The following KCND2 variants were observed in gnomAD, a reference collection of about 807,000 sequenced individuals.
KCND2 encodes potassium voltage-gated channel subfamily D member 2, also known as A-type voltage-gated potassium channel KCND2.
A neutral mutation model predicts 54.4 loss-of-function variants in KCND2; 16 were observed. The observed-to-expected ratio is 0.29, with a 90% CI of 0.20 to 0.45. KCND2 has a LOEUF of 0.45. KCND2 is among the 20% of genes least tolerant of loss of function. The pLI is 1.00. For synonymous variants in KCND2, 317 were observed against 310.7 expected, an observed-to-expected ratio of 1.02 and a Z score of -0.21; for missense variants, 486 against 824.2, an observed-to-expected ratio of 0.59 and a Z score of 5.02.
chr7:120,661,020 T>C (rs960904208), intron 1 of KCND2, among the ~76,000 whole-genome samples: 7 of 152,306 alleles, frequency 4.6e-5, no homozygotes, highest in African/African-American at 1.4e-4. Flanking sequence ...ATTTCATACA[T>C]GCATAAACTG....
At chr7:120,498,762 G>C (rs1442643444) in intron 1 of KCND2, among the ~76,000 whole-genome samples, 1 of 152,018 alleles carries the variant, frequency 6.6e-6, no homozygotes, top group African/African-American at 2.4e-5. Context: ...GTGACAGAGC[G>C]AGACTCCATC....
chr7:120,659,400 T>C (rs79710869), intron 1 of KCND2, among the ~76,000 whole-genome samples: 1,607 of 152,286 alleles, frequency 0.011, 9 homozygotes, highest in Non-Finnish European at 0.015. Flanking sequence ...CCATGCAGTC[T>C]CCTTGACTAG....
intron 1 of KCND2, among the ~76,000 whole-genome samples, chr7:120,435,732 G>T (rs1422960447): frequency 6.7e-6 from 1 of 148,678 alleles, no homozygotes; most frequent in East Asian, 2.0e-4. Flanking sequence ...CTAACCAGTG[G>T]ATATATATAT....
chr7:120,308,107 C>T lies in KCND2; in HGVS notation c.1115+32360C>T, dbSNP rs2116308145. 1.3e-5 allele frequency among the ~76,000 whole-genome samples: 2 copies of T among 152,086 alleles called. 1 individual carries two copies. Among genetic ancestry groups the T allele is most frequent in the South Asian group, 4.1e-4 (2 of 4,824 alleles). The stretch of plus-strand genomic sequence containing the variant: ...TGCTGAAATGAGACTATCTCAAACC[C>T]AGAACTCTTTCGTGTACTTTTTACT... On this transcript the variant is annotated intron_variant, in intron 1 of 5. Transcript: ENST00000331113.
chr7:120,277,601 TA>T (rs1317981114), intron 1 of KCND2, among the ~76,000 whole-genome samples: 1 of 152,002 alleles, frequency 6.6e-6, no homozygotes, highest in East Asian at 1.9e-4. Context: ...AATATAGGTA[TA>T]AAAAGAATGT....
At chr7:120,691,721 A>G (rs1211455389) in intron 1 of KCND2, among the ~76,000 whole-genome samples, 3 of 152,174 alleles carry the variant, frequency 2.0e-5, no homozygotes, top group African/African-American at 4.8e-5. Flanking sequence ...TCATCCAGGT[A>G]TAAATATTAT....
At chr7:120,407,957 G>GA (rs1399551050) in intron 1 of KCND2, among the ~76,000 whole-genome samples, 1 of 151,744 alleles carries the variant, frequency 6.6e-6, no homozygotes, top group Non-Finnish European at 1.5e-5. Flanking sequence ...ATTCTAGGAA[G>GA]AAAATCATGA....
chr7:120,297,911 T>C (rs911663194), intron 1 of KCND2, among the ~76,000 whole-genome samples: 7 of 152,192 alleles, frequency 4.6e-5, no homozygotes, highest in Non-Finnish European at 1.5e-5. Context: ...AGTTTAGCAC[T>C]GTCCAGTAGA....
intron 1 of KCND2, among the ~76,000 whole-genome samples, chr7:120,499,755 C>A (rs1039918624): frequency 6.6e-6 from 1 of 152,102 alleles, no homozygotes; most frequent in African/African-American, 2.4e-5. Context: ...AGAAGCCACG[C>A]CTGCCTCTTT....
At chr7:120,713,052 C>T (rs761084924) in intron 1 of KCND2, among the ~76,000 whole-genome samples, 3 of 152,154 alleles carry the variant, frequency 2.0e-5, no homozygotes, top group Non-Finnish European at 4.4e-5. Context: ...AGCCTCCTTT[C>T]CCTTACCTGT....
chr7:120,656,119 C>T (rs964431235), intron 1 of KCND2, among the ~76,000 whole-genome samples: 6 of 152,112 alleles, frequency 3.9e-5, no homozygotes, highest in Non-Finnish European at 8.8e-5. Flanking sequence ...TCTTTATTGA[C>T]ATATGCATTA....
In KCND2 at chr7:120,450,557, TTA is replaced by T. The variant is rs765932950; in HGVS notation, c.1115+174812_1115+174813del. On this transcript the variant is annotated intron_variant, in intron 1 of 5. Transcript: ENST00000331113. ...CAATGGAGAAAAGTCCTTCATGAAT[TTA>T]TGTGGGAAAGACACTAAACAACTAT... is the stretch of plus-strand genomic sequence containing the variant. Among the ~76,000 whole-genome samples, 21 of 152,196 alleles carry T rather than the reference TTA, an allele frequency of 1.4e-4. 1 individual carries two copies. In the South Asian group the frequency reaches 2.3e-3, roughly 17 times the overall value.
At chr7:120,555,255 G>C (rs1408188739) in intron 1 of KCND2, among the ~76,000 whole-genome samples, 1 of 152,114 alleles carries the variant, frequency 6.6e-6, no homozygotes, top group Non-Finnish European at 1.5e-5. Context: ...TTGTAACAGT[G>C]AATAATTCAC....
At chr7:120,460,938 A>T (rs922142038) in intron 1 of KCND2, among the ~76,000 whole-genome samples, 1 of 152,134 alleles carries the variant, frequency 6.6e-6, no homozygotes, top group African/African-American at 2.4e-5. Context: ...GTTAAGGGAG[A>T]CTTTTTTGTT....
intron 1 of KCND2, among the ~76,000 whole-genome samples, chr7:120,409,895 C>G (rs111349875): frequency 0.039 from 5,886 of 151,872 alleles, 137 homozygotes; most frequent in African/African-American, 0.049. Context: ...AAATTTTGAT[C>G]AACTACAGTT....
chr7:120,451,169 G>C (rs1802101195), intron 1 of KCND2, among the ~76,000 whole-genome samples: 2 of 152,092 alleles, frequency 1.3e-5, no homozygotes, highest in Admixed American at 6.6e-5. Flanking sequence ...CAATTACAAA[G>C]CCATACTTTA....
chr7:120,652,471 T>C (rs1791747984), intron 1 of KCND2, among the ~76,000 whole-genome samples: 1 of 152,204 alleles, frequency 6.6e-6, no homozygotes, highest in South Asian at 2.1e-4. Flanking sequence ...CCCCATGCAC[T>C]TTTGTCTCAG....
chr7:120,678,428 T>C (rs1366718057), intron 1 of KCND2, among the ~76,000 whole-genome samples: 1 of 146,246 alleles, frequency 6.8e-6, no homozygotes, highest in East Asian at 2.0e-4. Flanking sequence ...TACACACATA[T>C]ATATACACAT....
At chr7:120,727,299 CAG>C (rs1251023029) in intron 1 of KCND2, among the ~76,000 whole-genome samples, 1 of 152,008 alleles carries the variant, frequency 6.6e-6, no homozygotes, top group Non-Finnish European at 1.5e-5. Context: ...AAATACTAAA[CAG>C]GGAAATATTT....
Sources: allele counts gnomAD v4.1 joint callset (sites outside exome capture counted in the v4.1 genomes callset), GRCh38; gene constraint gnomAD v4.1.1; transcripts MANE v1.5; gene names NCBI Gene and HGNC (gene_info 2026-07-23, HGNC 2026-07-21).